Variants in EPHA6 observed in about 807,000 individuals in gnomAD.
EPHA6 encodes ephrin type-A receptor 6.
EPHA6 carries 50 observed loss-of-function variants against 112.0 expected under a neutral mutation model. The observed-to-expected ratio is 0.45, with a 90% CI of 0.36 to 0.56. The LOEUF is 0.56. Ranked by LOEUF, EPHA6 falls within the 20% of genes least tolerant of loss-of-function variation. EPHA6 has a pLI of 0.00. For synonymous variants in EPHA6, 529 were observed against 490.7 expected, an observed-to-expected ratio of 1.08 and a Z score of -1.03; for missense variants, 1,280 against 1,417.4, an observed-to-expected ratio of 0.90 and a Z score of 1.56.
intron 3 of EPHA6, among the ~76,000 whole-genome samples, chr3:97,047,822 T>G (rs1338748613): frequency 6.6e-6 from 1 of 152,162 alleles, no homozygotes; most frequent in East Asian, 1.9e-4. Context: ...AAGACATGGG[T>G]TATTTTCCTT....
intron 14 of EPHA6, among the ~76,000 whole-genome samples, chr3:97,659,023 T>G (rs1294772952): frequency 6.6e-6 from 1 of 151,960 alleles, no homozygotes; most frequent in South Asian, 2.1e-4. Context: ...GGATTTTACT[T>G]AGTATGTATA....
intron 5 of EPHA6, among the ~76,000 whole-genome samples, chr3:97,291,932 C>G (rs2080698265): frequency 2.0e-5 from 3 of 152,228 alleles, no homozygotes; most frequent in Admixed American, 1.3e-4. Flanking sequence ...AGGTTGCACT[C>G]TGCTTGAGCT....
chr3:97,542,476 T>C lies in EPHA6; in HGVS notation c.2386+9933T>C, dbSNP rs575555066. ...TCCATGGTGTATATGTGCCACATTT[T>C]CTTAATCCAGTCTATCATTGTTGGA... On this transcript the variant is annotated intron_variant, in intron 11 of 17. Coordinates refer to ENST00000389672, the MANE Select transcript of EPHA6 (RefSeq NM_001080448.3). Among the ~76,000 whole-genome samples, 5 of 152,368 alleles carry C rather than the reference T, an allele frequency of 3.3e-5. No individual in the cohort carries two copies. The East Asian group carries it at 9.6e-4, about 29-fold the overall frequency.
intron 1 of EPHA6, among the ~76,000 whole-genome samples, chr3:96,851,410 A>C (rs1171124637): frequency 4.6e-5 from 7 of 152,158 alleles, no homozygotes; most frequent in Admixed American, 4.6e-4. Flanking sequence ...TTGATCAGTT[A>C]GTATAATTTT....
intron 3 of EPHA6, among the ~76,000 whole-genome samples, chr3:97,032,224 A>T (rs2044883445): frequency 6.6e-6 from 1 of 152,064 alleles, no homozygotes; most frequent in Admixed American, 6.6e-5. Context: ...GCGTGTTCTC[A>T]CTCATAGGTG....
intron 3 of EPHA6, among the ~76,000 whole-genome samples, chr3:97,158,799 G>A (rs906821672): frequency 6.6e-6 from 1 of 152,262 alleles, no homozygotes; most frequent in African/African-American, 2.4e-5. Flanking sequence ...ATGCATTTGT[G>A]TATGGTGGGC....
intron 2 of EPHA6, among the ~76,000 whole-genome samples, chr3:96,883,219 A>G (rs552350989): frequency 6.6e-6 from 1 of 152,202 alleles, no homozygotes; most frequent in South Asian, 2.1e-4. Context: ...GGCCATTTGT[A>G]TATCTTCTTT....
At chr3:97,662,703 G>A (rs540402104) in intron 14 of EPHA6, among the ~76,000 whole-genome samples, 1 of 152,212 alleles carries the variant, frequency 6.6e-6, no homozygotes, top group East Asian at 1.9e-4. Context: ...CATACCCCTA[G>A]CATCTACTGT....
intron 3 of EPHA6, among the ~76,000 whole-genome samples, chr3:97,139,115 C>T (rs950239128): frequency 6.6e-6 from 1 of 152,142 alleles, no homozygotes; most frequent in East Asian, 1.9e-4. Flanking sequence ...GCTTGTCTGA[C>T]CCAGCCCACT....
chr3:97,010,514 T>C (rs1299471400), intron 3 of EPHA6, among the ~76,000 whole-genome samples: 1 of 152,182 alleles, frequency 6.6e-6, no homozygotes, highest in Non-Finnish European at 1.5e-5. Context: ...TATAAAGTTA[T>C]CAAACTTGTT....
intron 5 of EPHA6, among the ~76,000 whole-genome samples, chr3:97,318,678 T>C (rs1026537934): frequency 3.3e-5 from 5 of 152,038 alleles, no homozygotes; most frequent in Non-Finnish European, 7.4e-5. Flanking sequence ...TCCTCCTTAA[T>C]TCTCTGAACT....
chr3:97,417,410 T>C (rs929194329), intron 6 of EPHA6, among the ~76,000 whole-genome samples: 3 of 152,100 alleles, frequency 2.0e-5, no homozygotes, highest in Non-Finnish European at 4.4e-5. Context: ...TCCTACTTTT[T>C]CTTTTTTTAA....
intron 11 of EPHA6, among the ~76,000 whole-genome samples, chr3:97,571,683 T>C (rs181948749): frequency 6.0e-4 from 91 of 152,300 alleles, no homozygotes; most frequent in African/African-American, 2.1e-3. Context: ...CTCTTTCCTG[T>C]TAAATGCCAC....
chr3:97,202,641 T>C (rs1048642337), intron 3 of EPHA6, among the ~76,000 whole-genome samples: 1 of 152,098 alleles, frequency 6.6e-6, no homozygotes, highest in Non-Finnish European at 1.5e-5. Context: ...GCCAGATATA[T>C]GTCTTCTTTA....
At chr3:96,999,256 C>A (rs992209643) in intron 3 of EPHA6, among the ~76,000 whole-genome samples, 1 of 151,790 alleles carries the variant, frequency 6.6e-6, no homozygotes, top group African/African-American at 2.4e-5. Context: ...GTGATTATAC[C>A]AACCCAGTTC....
At chr3:97,556,083 C>A (rs2107125588) in intron 11 of EPHA6, among the ~76,000 whole-genome samples, 1 of 152,114 alleles carries the variant, frequency 6.6e-6, no homozygotes, top group East Asian at 1.9e-4. Flanking sequence ...CCCCTACATT[C>A]TGAAGCCCAC....
chr3:96,990,781 T>C (rs1015054276), intron 3 of EPHA6, among the ~76,000 whole-genome samples: 34 of 152,268 alleles, frequency 2.2e-4, no homozygotes, highest in Non-Finnish European at 1.0e-4. Flanking sequence ...GAGAATTTTA[T>C]CATTGCTTTT....
At chr3:96,972,852 G>A (rs2042369607) in intron 2 of EPHA6, among the ~76,000 whole-genome samples, 1 of 152,092 alleles carries the variant, frequency 6.6e-6, no homozygotes, top group African/African-American at 2.4e-5. Flanking sequence ...ATTGATTTTG[G>A]AAATAAAAGT....
chr3:97,512,472 A>AT (rs539083673), intron 10 of EPHA6, among the ~76,000 whole-genome samples: 21 of 152,188 alleles, frequency 1.4e-4, no homozygotes, highest in African/African-American at 2.9e-4. Context: ...CTTTTCTCTT[A>AT]TTTTTTTAAA....
Sources: allele counts gnomAD v4.1 joint callset (sites outside exome capture counted in the v4.1 genomes callset), GRCh38; gene constraint gnomAD v4.1.1; transcripts MANE v1.5; gene names NCBI Gene and HGNC (gene_info 2026-07-23, HGNC 2026-07-21).